Variants in FMN2 observed in about 807,000 individuals in gnomAD.
The protein encoded by FMN2 is formin 2, also known as formin-2.
Under a neutral mutation model 142.3 loss-of-function variants are expected in FMN2, and 51 were observed. The ratio of observed to expected loss-of-function variants is 0.36; its 90% CI spans 0.29 to 0.45. FMN2 has a LOEUF of 0.45. FMN2 is among the 20% of genes least tolerant of loss of function. The pLI is 1.00. For missense variants in FMN2, 1,936 were observed against 2,122.8 expected, an observed-to-expected ratio of 0.91 and a Z score of 1.73; for synonymous variants, 882 against 869.8, an observed-to-expected ratio of 1.01 and a Z score of -0.25.
intron 3 of FMN2, 167 bp downstream of exon 3, chr1:240,178,235 T>A (rs1665006947): frequency 2.6e-6 from 2 of 757,164 alleles, no homozygotes; most frequent in East Asian, 6.3e-5. Context: ...TTGTTCCTTT[T>A]GTTGTCTTAT....
intron 4 of FMN2, among the ~76,000 whole-genome samples, chr1:240,194,946 CAT>C (rs1491331622): frequency 1.2e-5 from 1 of 81,008 alleles, no homozygotes; most frequent in Non-Finnish European, 2.8e-5. Flanking sequence ...CCTATCTCTA[CAT>C]TTTTTTTTTG....
chr1:240,308,174 GA>G (rs1670477851), intron 8 of FMN2, among the ~76,000 whole-genome samples: 1 of 152,162 alleles, frequency 6.6e-6, no homozygotes, highest in African/African-American at 2.4e-5. Flanking sequence ...GTAAATCTAA[GA>G]GACCATATCA....
intron 15 of FMN2, among the ~76,000 whole-genome samples, chr1:240,422,799 AT>A: frequency 6.6e-6 from 1 of 152,120 alleles, no homozygotes. Flanking sequence ...CTGATTCCTA[AT>A]TTTAGGAACT....
intron 1 of FMN2, among the ~76,000 whole-genome samples, chr1:240,116,075 T>C (rs73128551): frequency 0.11 from 17,223 of 152,240 alleles, 1,237 homozygotes; most frequent in African/African-American, 0.19. Context: ...ATCTTTGGCA[T>C]ATAATGAGCA....
chr1:240,309,887 C>T (rs146651285), intron 8 of FMN2, among the ~76,000 whole-genome samples: 284 of 152,166 alleles, frequency 1.9e-3, no homozygotes, highest in African/African-American at 6.4e-3. Flanking sequence ...ATGACAGTCA[C>T]GTGTGTTTGT....
At chr1:240,187,017 A>G (rs891375911) in intron 3 of FMN2, among the ~76,000 whole-genome samples, 38 of 151,884 alleles carry the variant, frequency 2.5e-4, no homozygotes, top group Non-Finnish European at 4.4e-4. Flanking sequence ...CTGTCATCCC[A>G]GCACTTTGGG....
intron 15 of FMN2, among the ~76,000 whole-genome samples, chr1:240,434,541 G>T (rs200885295): frequency 9.7e-6 from 1 of 103,164 alleles, no homozygotes. Flanking sequence ...TTTTTGTTTT[G>T]TTTTTTGTTT....
At chr1:240,421,925 C>T (rs1674778032) in intron 15 of FMN2, among the ~76,000 whole-genome samples, 2 of 152,094 alleles carry the variant, frequency 1.3e-5, no homozygotes. Context: ...TCCACATTTA[C>T]CTGGGACCAG....
intron 13 of FMN2, among the ~76,000 whole-genome samples, chr1:240,335,180 C>T (rs970236610): frequency 9.2e-5 from 14 of 152,192 alleles, no homozygotes; most frequent in South Asian, 2.1e-4. Context: ...ACATTTATTA[C>T]GGACCTGGTT....
At chr1:240,377,927 T>G (rs1163693738) in intron 14 of FMN2, among the ~76,000 whole-genome samples, 3 of 152,068 alleles carry the variant, frequency 2.0e-5, no homozygotes, top group Admixed American at 1.3e-4. Context: ...GATTGGGACA[T>G]GGACATTTTT....
intron 16 of FMN2, among the ~76,000 whole-genome samples, chr1:240,439,294 A>AGAAAGAAG (rs1675522341): frequency 6.6e-6 from 1 of 151,346 alleles, no homozygotes; most frequent in Admixed American, 6.6e-5. Flanking sequence ...AAAGAAAGAA[A>AGAAAGAAG]GAAAGAAAGA....
rs116620540 is a variant in FMN2 at position 240,289,724 on chromosome 1, T to C, written c.4154-5098T>C. Among the ~76,000 whole-genome samples the C allele has an allele frequency of 9.1e-3, 1,380 of 152,270 alleles. 23 individuals carry two copies. Among genetic ancestry groups the C allele is most frequent in the African/African-American group, 0.032 (1,323 of 41,560 alleles). ...AAGGGATTACACAAATAAAGTGAAC[T>C]ACTTAATCTGGCTATTCAAAATATG... On this transcript the variant is annotated intron_variant, in intron 7 of 17. Coordinates refer to ENST00000319653, the MANE Select transcript of FMN2 (RefSeq NM_020066.5).
At chr1:240,112,232 A>G (rs1330619289) in intron 1 of FMN2, among the ~76,000 whole-genome samples, 2 of 151,700 alleles carry the variant, frequency 1.3e-5, no homozygotes, top group African/African-American at 2.4e-5. Flanking sequence ...CCTGGGTTCA[A>G]GTGCGCCTCC....
chr1:240,441,254 A>G (rs1029459856), intron 16 of FMN2, among the ~76,000 whole-genome samples: 2 of 152,014 alleles, frequency 1.3e-5, no homozygotes, highest in Admixed American at 6.6e-5. Flanking sequence ...GAGTCTCCCA[A>G]TGTGCTGGGA....
At chr1:240,127,609 C>G (rs760108442) in intron 2 of FMN2, among the ~76,000 whole-genome samples, 2 of 152,058 alleles carry the variant, frequency 1.3e-5, no homozygotes, top group Non-Finnish European at 2.9e-5. Context: ...TTCCAAGTAG[C>G]TGGAACTATA....
At chr1:240,418,719 A>G (rs528469513) in intron 15 of FMN2, among the ~76,000 whole-genome samples, 2 of 149,958 alleles carry the variant, frequency 1.3e-5, no homozygotes, top group African/African-American at 5.1e-5. Context: ...TGTTGGATGT[A>G]GTGTTCTATT....
chr1:240,100,261 TATAA>T (rs1388357052), intron 1 of FMN2, among the ~76,000 whole-genome samples: 1 of 152,182 alleles, frequency 6.6e-6, no homozygotes, highest in Non-Finnish European at 1.5e-5. Context: ...ACCTTCCAAA[TATAA>T]ATGTTATTGT....
At chr1:240,285,140 C>T (rs1669540696) in intron 7 of FMN2, 1 of 436,558 alleles carries the variant, frequency 2.3e-6, no homozygotes. Context: ...GAGGGTGTTG[C>T]AAGAATTGCA....
chr1:240,112,027 T>C (rs546507260), intron 1 of FMN2, among the ~76,000 whole-genome samples: 16 of 152,310 alleles, frequency 1.1e-4, no homozygotes, highest in Admixed American at 8.5e-4. Context: ...CAGTTCTGCA[T>C]AATTAGGTAT....
Sources: allele counts gnomAD v4.1 joint callset (sites outside exome capture counted in the v4.1 genomes callset), GRCh38; gene constraint gnomAD v4.1.1; transcripts MANE v1.5; gene names NCBI Gene and HGNC (gene_info 2026-07-23, HGNC 2026-07-21).